The following MAGI2 variants were observed in gnomAD, a reference collection of about 807,000 sequenced individuals.
The protein encoded by MAGI2 is membrane associated guanylate kinase, WW and PDZ domain containing 2.
In MAGI2, 35 loss-of-function variants were observed where a neutral mutation model predicts 133.3. That is an observed-to-expected ratio of 0.26 (90% CI 0.20 to 0.35). The LOEUF (loss-of-function observed/expected upper bound fraction) is 0.35. Ranked by LOEUF, MAGI2 falls within the 10% of genes least tolerant of loss-of-function variation. The pLI, the probability that MAGI2 is intolerant of heterozygous loss-of-function variation, is 1.00. For synonymous variants in MAGI2, 729 were observed against 710.6 expected, an observed-to-expected ratio of 1.03 and a Z score of -0.41; for missense variants, 1,636 against 1,863.4, an observed-to-expected ratio of 0.88 and a Z score of 2.25.
chr7:78,449,976 G>A (rs1223367147), intron 6 of MAGI2, among the ~76,000 whole-genome samples: 3 of 152,010 alleles, frequency 2.0e-5, no homozygotes, highest in African/African-American at 7.2e-5. Context: ...TATAGCAGCA[G>A]TTACATAAAT....
intron 12 of MAGI2, among the ~76,000 whole-genome samples, chr7:78,192,661 A>G (rs966567233): frequency 2.6e-5 from 4 of 152,118 alleles, no homozygotes; most frequent in African/African-American, 4.8e-5. Context: ...TTACCTTGAC[A>G]TAGTTTCTAT....
At chr7:79,020,051 T>A (rs553115069) in intron 1 of MAGI2, among the ~76,000 whole-genome samples, 163 of 152,318 alleles carry the variant, frequency 1.1e-3, no homozygotes, top group Middle Eastern at 3.4e-3. Context: ...ACTTGTTGAA[T>A]GGCTTTGACC....
At chr7:78,523,357 T>C (rs1407632264) in intron 3 of MAGI2, among the ~76,000 whole-genome samples, 3 of 152,070 alleles carry the variant, frequency 2.0e-5, no homozygotes, top group Non-Finnish European at 2.9e-5. Context: ...CCGACGCCCG[T>C]AGTCCCATCT....
intron 3 of MAGI2, among the ~76,000 whole-genome samples, chr7:78,564,929 G>A (rs1800788848): frequency 6.6e-6 from 1 of 151,222 alleles, no homozygotes; most frequent in African/African-American, 2.4e-5. Flanking sequence ...GAGCTGCTGG[G>A]ACTACAGGCA....
In MAGI2 at chr7:78,019,715, G is replaced by A. The variant is rs1808129064; in HGVS notation, c.3968C>T (p.Ala1323Val). Residue 1323 changes from alanine (A) to valine (V), a missense_variant, in exon 22 of 22, where the codon GCC becomes GTC. Ala to Val is a moderately conservative substitution (Grantham distance 64). This residue lies in a region of MAGI2 where 354 missense variants were observed against 298.7 expected (regional missense o/e 1.19). Transcript: ENST00000354212. The stretch of plus-strand genomic sequence containing the variant: ...CGCCTCCTCGAGCCTCGGCCGCGCG[G>A]CCCTCTGCGGACTCGCCGAGCGCTC... The part of the protein sequence containing the change: ...QRERSASPQR[A>V]ARPRLEEAPG... 5 of 1,597,816 alleles carry A rather than the reference G, an allele frequency of 3.1e-6. No individual in the cohort carries two copies. The highest frequency in any genetic ancestry group is 4.3e-6 in the Non-Finnish European group (5 of 1,176,198).
At chr7:78,176,848 A>G (rs1826668601) in intron 14 of MAGI2, among the ~76,000 whole-genome samples, 1 of 150,496 alleles carries the variant, frequency 6.6e-6, no homozygotes, top group Admixed American at 6.7e-5. Flanking sequence ...ACTCTGTCTC[A>G]GGAAAACCAC....
chr7:79,303,706 T>G (rs574332355), intron 1 of MAGI2, among the ~76,000 whole-genome samples: 1 of 152,318 alleles, frequency 6.6e-6, no homozygotes, highest in Non-Finnish European at 1.5e-5. Flanking sequence ...TCACTTAATC[T>G]TTCTGTAAAA....
chr7:78,680,270 T>C (rs1030645876), intron 2 of MAGI2, among the ~76,000 whole-genome samples: 3 of 152,280 alleles, frequency 2.0e-5, no homozygotes, highest in African/African-American at 7.2e-5. Flanking sequence ...TATGTATCTA[T>C]AATCTTCTGT....
At chr7:78,060,094 C>A (rs947617059) in intron 21 of MAGI2, among the ~76,000 whole-genome samples, 2 of 152,154 alleles carry the variant, frequency 1.3e-5, no homozygotes, top group African/African-American at 4.8e-5. Context: ...TGAGAAAAAA[C>A]ACTTTGTAGT....
chr7:78,510,603 T>C (rs1795479390), intron 4 of MAGI2, among the ~76,000 whole-genome samples: 1 of 152,144 alleles, frequency 6.6e-6, no homozygotes, highest in South Asian at 2.1e-4. Flanking sequence ...ATAAAGGTGG[T>C]ATTTCTTCTT....
intron 1 of MAGI2, among the ~76,000 whole-genome samples, chr7:79,077,183 C>T (rs1265908076): frequency 6.6e-6 from 1 of 152,130 alleles, no homozygotes; most frequent in Non-Finnish European, 1.5e-5. Context: ...AATTTTTGTA[C>T]TGTGGTTCCT....
intron 2 of MAGI2, among the ~76,000 whole-genome samples, chr7:78,767,347 CTTTTT>C (rs3086253): frequency 6.8e-6 from 1 of 146,176 alleles, no homozygotes; most frequent in Non-Finnish European, 1.5e-5. Context: ...AGGCAACACA[CTTTTT>C]TTTTTTTTTA....
chr7:78,510,153 G>T (rs532369438), intron 4 of MAGI2, among the ~76,000 whole-genome samples: 1 of 152,090 alleles, frequency 6.6e-6, no homozygotes, highest in Non-Finnish European at 1.5e-5. Flanking sequence ...CTTTTTTTAC[G>T]TTTCCTTTAA....
chr7:78,267,073 T>C (rs368278736), intron 9 of MAGI2, among the ~76,000 whole-genome samples: 1 of 152,110 alleles, frequency 6.6e-6, no homozygotes, highest in Non-Finnish European at 1.5e-5. Context: ...TCAACCTACA[T>C]GGTAATTCTG....
At chr7:78,922,190 CTT>C (rs1348562304) in intron 2 of MAGI2, among the ~76,000 whole-genome samples, 1 of 140,166 alleles carries the variant, frequency 7.1e-6, no homozygotes, top group African/African-American at 2.7e-5. Flanking sequence ...CAGATTATTT[CTT>C]TTTTTTATTA....
chr7:79,205,853 C>T (rs549175145), intron 1 of MAGI2, among the ~76,000 whole-genome samples: 58 of 150,434 alleles, frequency 3.9e-4, no homozygotes, highest in South Asian at 1.1e-3. Flanking sequence ...TTCATAATAA[C>T]CACAACACCA....
chr7:78,649,236 G>GAA (rs3085451), intron 2 of MAGI2, among the ~76,000 whole-genome samples: 3,549 of 88,022 alleles, frequency 0.04, 89 homozygotes, highest in East Asian at 0.14. Flanking sequence ...AAAAAAAAAA[G>GAA]AAAAAAAAAG....
chr7:79,049,235 G>A (rs992654331), intron 1 of MAGI2, among the ~76,000 whole-genome samples: 2 of 152,126 alleles, frequency 1.3e-5, no homozygotes, highest in Non-Finnish European at 2.9e-5. Context: ...ATTGTGTATT[G>A]TGTCAAATAC....
rs114931772 is a variant in MAGI2 at position 78,851,367 on chromosome 7, G to A, written c.418+155723C>T. Among the ~76,000 whole-genome samples the A allele has an allele frequency of 2.1e-3, 323 of 152,082 alleles. 3 individuals are homozygous for A. The highest frequency in any genetic ancestry group is 7.5e-3 in the African/African-American group (310 of 41,512). On this transcript the variant is annotated intron_variant, in intron 2 of 21. Coordinates refer to ENST00000354212, the MANE Select transcript of MAGI2 (RefSeq NM_012301.4). ...ATGCCCCTCCTGGAGTGCTGTGAGG[G>A]GCACAATGTTCTTTGGAAATTCCGA...
Sources: gnomAD v4.1 joint callset for allele counts (sites outside exome capture counted in the v4.1 genomes callset) on GRCh38, gnomAD v4.1.1 for gene constraint, gnomAD v4.1.1 regional missense constraint, MANE v1.5 for transcripts, NCBI Gene and HGNC (gene_info 2026-07-23, HGNC 2026-07-21) for gene names.